Variants in NMNAT1 observed in about 807,000 individuals in gnomAD.
NMNAT1 encodes the protein nicotinamide nucleotide adenylyltransferase 1.
Under a neutral mutation model 16.7 loss-of-function variants are expected in NMNAT1, and 11 were observed. The ratio of observed to expected loss-of-function variants is 0.66; its 90% CI spans 0.41 to 1.09. The LOEUF (loss-of-function observed/expected upper bound fraction) is 1.09, where lower values mean the gene tolerates loss of function less well. Among genes scored for constraint, NMNAT1 ranks in the 50% least tolerant of loss-of-function variants. The pLI is 0.00. For missense variants in NMNAT1, 280 were observed against 332.3 expected (o/e 0.84, Z 1.22); for synonymous variants, 110 against 119.8 (o/e 0.92, Z 0.53).
At chr1:9,958,959 A>G (rs1046610376) in intron 1 of NMNAT1, among the ~76,000 whole-genome samples, 3 of 152,202 alleles carry the variant, frequency 2.0e-5, no homozygotes, top group Non-Finnish European at 2.9e-5. Flanking sequence ...CTGACTGTTA[A>G]CTGACAAACT....
intron 1 of NMNAT1, among the ~76,000 whole-genome samples, chr1:9,963,067 T>C (rs1557464115): frequency 6.6e-6 from 1 of 151,850 alleles, no homozygotes; most frequent in Non-Finnish European, 1.5e-5. Context: ...AAGGTTCCCA[T>C]TGTCCAAGGG....
intron 1 of NMNAT1, among the ~76,000 whole-genome samples, chr1:9,958,501 G>A (rs1364217153): frequency 8.0e-5 from 12 of 150,264 alleles, no homozygotes; most frequent in Admixed American, 4.7e-4. Context: ...GTGCAGTGGT[G>A]TGATCTCAGC....
At chr1:9,973,575 G>A (rs1396690092) in intron 2 of NMNAT1, among the ~76,000 whole-genome samples, 2 of 151,338 alleles carry the variant, frequency 1.3e-5, no homozygotes, top group Non-Finnish European at 2.9e-5. Context: ...GGGCATGGTG[G>A]CGGGTGCCTG....
chr1:9,986,268 A>G (rs1486938026), downstream of NMNAT1, among the ~76,000 whole-genome samples: 1 of 152,162 alleles, frequency 6.6e-6, no homozygotes, highest in African/African-American at 2.4e-5. Flanking sequence ...GCCCCTACGT[A>G]CCCATTAACT....
At chr1:9,961,794 G>C (rs1043441545) in intron 1 of NMNAT1, among the ~76,000 whole-genome samples, 1 of 151,834 alleles carries the variant, frequency 6.6e-6, no homozygotes, top group Non-Finnish European at 1.5e-5. Context: ...TTTTTGAGAC[G>C]GAGTTTTGCT....
intron 2 of NMNAT1, among the ~76,000 whole-genome samples, chr1:9,972,783 CCTCAT>C: frequency 6.6e-6 from 1 of 152,136 alleles, no homozygotes; most frequent in African/African-American, 2.4e-5. Context: ...CAGAGAGAGA[CCTCAT>C]CTCTACAAAA....
At chr1:9,995,726 G>A in the NMNAT1 span, among the ~76,000 whole-genome samples, 2 of 151,372 alleles carry the variant, frequency 1.3e-5, no homozygotes, top group Non-Finnish European at 2.9e-5. Flanking sequence ...AAAATAAAAA[G>A]AATAAATGAA....
chr1:9,963,322 A>G (rs1055915246), intron 1 of NMNAT1, among the ~76,000 whole-genome samples: 3 of 152,150 alleles, frequency 2.0e-5, no homozygotes, highest in Admixed American at 6.6e-5. Flanking sequence ...CAGTCTTGAC[A>G]CAGGTGTTTT....
At chr1:9,959,001 A>G (rs1641336209) in intron 1 of NMNAT1, among the ~76,000 whole-genome samples, 1 of 152,212 alleles carries the variant, frequency 6.6e-6, no homozygotes, top group Admixed American at 6.6e-5. Flanking sequence ...AACTTGCACA[A>G]GCAAATGAAA....
chr1:9,948,557 G>C (rs186617179), intron 1 of NMNAT1, among the ~76,000 whole-genome samples: 10 of 152,202 alleles, frequency 6.6e-5, no homozygotes, highest in Admixed American at 5.2e-4. Context: ...CTGGGTGATA[G>C]AGCGAGACCC....
At position 9,982,755 on chromosome 1, in the gene NMNAT1, G is replaced by T; in HGVS notation, c.*54G>T. Reference sequence around the variant, plus strand: ...CCCATTTGGGGATCTGAAACAATCTGGGAGTTAATAACTGGGGAAAGAAGT... The same window carrying T: ...CCCATTTGGGGATCTGAAACAATCTTGGAGTTAATAACTGGGGAAAGAAGT... On this transcript the variant is annotated 3_prime_UTR_variant, in exon 5 of 5. Transcript: ENST00000377205. The T allele has an allele frequency of 6.6e-7, 1 of 1,508,196 alleles. No homozygotes were observed. The highest frequency in any genetic ancestry group is 8.9e-7 in the Non-Finnish European group (1 of 1,120,956). 93.4% of individuals were successfully genotyped at this position (1,508,196 alleles called of 1,614,324 possible). A position where few individuals can be genotyped will look rare whatever the true frequency, so the allele number is the denominator to read the frequency against.
At chr1:9,960,524 C>T (rs1641378434) in intron 1 of NMNAT1, among the ~76,000 whole-genome samples, 1 of 152,040 alleles carries the variant, frequency 6.6e-6, no homozygotes, top group South Asian at 2.1e-4. Context: ...TAATAAAGAT[C>T]AGTAACTACC....
In NMNAT1 at chr1:9,958,969, T is replaced by G. The variant is rs148400326; in HGVS notation, c.-56-13049T>G. 2.3e-3 allele frequency among the ~76,000 whole-genome samples: 349 copies of G among 152,308 alleles called. 1 individual carries two copies. Among genetic ancestry groups the G allele is most frequent in the African/African-American group, 8.0e-3 (331 of 41,566 alleles). ...GGAAACTGACTGTTAACTGACAAACTGAGAGTTAATCTACCTACCACAACT... is the reference window on the plus strand; with the variant it reads ...GGAAACTGACTGTTAACTGACAAACGGAGAGTTAATCTACCTACCACAACT... On this transcript the variant is annotated intron_variant, in intron 1 of 4. Transcript: ENST00000377205.
chr1:9,988,438 T>C (rs1334358889), downstream of NMNAT1, among the ~76,000 whole-genome samples: 4 of 152,056 alleles, frequency 2.6e-5, no homozygotes, highest in Non-Finnish European at 4.4e-5. Context: ...TGATGAATCA[T>C]GCCTGTAATC....
At chr1:9,943,297 GC>G (rs1292336046), upstream of NMNAT1, 1 of 154,450 alleles carries the variant, frequency 6.5e-6, no homozygotes, top group African/African-American at 2.4e-5. Flanking sequence ...TTCCCCCTGT[GC>G]CGCCTGACCG....
intron 1 of NMNAT1, among the ~76,000 whole-genome samples, chr1:9,969,571 G>A (rs1641642250): frequency 6.6e-6 from 1 of 152,106 alleles, no homozygotes. Context: ...AGCTAACATG[G>A]TGAAACCCAT....
At chr1:9,975,105 A>G (rs1387194711) in intron 2 of NMNAT1, among the ~76,000 whole-genome samples, 1 of 152,188 alleles carries the variant, frequency 6.6e-6, no homozygotes, top group East Asian at 1.9e-4. Flanking sequence ...TTTGCAGTTA[A>G]TATCATAGAA....
chr1:9,986,420 G>A (rs915315576), downstream of NMNAT1, among the ~76,000 whole-genome samples: 6 of 152,204 alleles, frequency 3.9e-5, no homozygotes, highest in African/African-American at 1.2e-4. Context: ...ATTAATACAA[G>A]TATATCAGCT....
At chr1:9,955,096 C>T (rs1641222235) in intron 1 of NMNAT1, among the ~76,000 whole-genome samples, 1 of 151,644 alleles carries the variant, frequency 6.6e-6, no homozygotes, top group Non-Finnish European at 1.5e-5. Flanking sequence ...ACCAGCCTGA[C>T]CAACATGGTG....
Sources: gnomAD v4.1 joint callset for allele counts (sites outside exome capture counted in the v4.1 genomes callset) on GRCh38, gnomAD v4.1.1 for gene constraint, MANE v1.5 for transcripts, NCBI Gene and HGNC (gene_info 2026-07-23, HGNC 2026-07-21) for gene names.